LPAR3: variants seen among roughly 807,000 people sequenced by gnomAD.
The protein encoded by LPAR3 is LPA receptor 3.
A neutral mutation model predicts 17.8 loss-of-function variants in LPAR3; 7 were observed. That is an observed-to-expected ratio of 0.39 (90% confidence interval 0.22 to 0.74). The LOEUF (loss-of-function observed/expected upper bound fraction) is 0.74. Among genes scored for constraint, LPAR3 ranks in the 30% least tolerant of loss-of-function variants. The probability of loss-of-function intolerance (pLI) is 0.40; values close to 1 mark genes in which losing one functional copy is unlikely to be tolerated. For synonymous variants in LPAR3, 179 were observed against 179.9 expected (o/e 0.99, Z 0.04); for missense variants, 391 against 453.4 (o/e 0.86, Z 1.25).
At chr1:84,829,326 A>G (rs1211115225) in intron 2 of LPAR3, among the ~76,000 whole-genome samples, 2 of 151,848 alleles carry the variant, frequency 1.3e-5, no homozygotes, top group Non-Finnish European at 2.9e-5. Context: ...CCCTCTAGAG[A>G]TTCTGATTCC....
chr1:84,870,669 C>A (rs1034382587), intron 1 of LPAR3, among the ~76,000 whole-genome samples: 4 of 152,114 alleles, frequency 2.6e-5, no homozygotes, highest in Non-Finnish European at 5.9e-5. Flanking sequence ...TCATGGTATC[C>A]TCCCAACAAT....
intron 2 of LPAR3, among the ~76,000 whole-genome samples, chr1:84,835,990 C>T (rs1412530399): frequency 6.7e-6 from 1 of 149,662 alleles, no homozygotes; most frequent in Non-Finnish European, 1.5e-5. Context: ...AATATGAATG[C>T]CCCCCCAACC....
chr1:84,884,200 G>A (rs775557908), intron 1 of LPAR3, among the ~76,000 whole-genome samples: 7 of 152,214 alleles, frequency 4.6e-5, no homozygotes, highest in Non-Finnish European at 1.0e-4. Context: ...TAGACTGTGA[G>A]GTTCGGCTCC....
intron 2 of LPAR3, among the ~76,000 whole-genome samples, chr1:84,815,803 C>T (rs947636905): frequency 6.6e-6 from 1 of 152,180 alleles, no homozygotes; most frequent in East Asian, 1.9e-4. Flanking sequence ...TCATGAGGTG[C>T]TCTGTTTCCA....
chr1:84,826,046 T>C (rs1390959343), intron 2 of LPAR3, among the ~76,000 whole-genome samples: 1 of 152,046 alleles, frequency 6.6e-6, no homozygotes, highest in Non-Finnish European at 1.5e-5. Context: ...AATATAATGA[T>C]AACGGTGCTT....
At chr1:84,868,445 T>C (rs1660096313) in intron 1 of LPAR3, among the ~76,000 whole-genome samples, 1 of 152,130 alleles carries the variant, frequency 6.6e-6, no homozygotes, top group Admixed American at 6.6e-5. Flanking sequence ...CAGCAGCATA[T>C]GAGAGTTAAA....
chr1:84,844,815 C>T (rs1040269106), intron 2 of LPAR3, among the ~76,000 whole-genome samples: 6 of 152,156 alleles, frequency 3.9e-5, no homozygotes, highest in Non-Finnish European at 8.8e-5. Context: ...ACCCCGACCC[C>T]GCCACAGTCT....
rs529174015 is a variant in LPAR3 at position 84,825,814 on chromosome 1, C to T, written c.737-11643G>A. On this transcript the variant is annotated intron_variant, in intron 2 of 2. Transcript: ENST00000370611. ...TCCTGCCTTGGTCATCAGTACGGTGCGCAAACCCTGAGGATCTCAATCCCC... is the reference window on the plus strand; with the variant it reads ...TCCTGCCTTGGTCATCAGTACGGTGTGCAAACCCTGAGGATCTCAATCCCC... Among the ~76,000 whole-genome samples the T allele has an allele frequency of 4.5e-4, 68 of 152,270 alleles. 1 individual carries two copies. The highest frequency in any genetic ancestry group is 2.4e-4 in the Non-Finnish European group (16 of 68,022).
chr1:84,865,233 A>T (rs1660015113), intron 2 of LPAR3, 152 bp downstream of exon 2: 2 of 716,234 alleles, frequency 2.8e-6, no homozygotes, highest in Non-Finnish European at 4.5e-6. Context: ...TTTCCTTATT[A>T]GAGTGTAAGC....
At chr1:84,864,069 G>C (rs945527103) in intron 2 of LPAR3, among the ~76,000 whole-genome samples, 1 of 151,898 alleles carries the variant, frequency 6.6e-6, no homozygotes, top group African/African-American at 2.4e-5. Flanking sequence ...AAAATTAGCC[G>C]GGCCTGGTGG....
chr1:84,869,193 C>T (rs940897127), intron 1 of LPAR3, among the ~76,000 whole-genome samples: 1 of 152,164 alleles, frequency 6.6e-6, no homozygotes, highest in Middle Eastern at 3.2e-3. Flanking sequence ...ATATCAAGCA[C>T]TAACACCTCA....
intron 2 of LPAR3, among the ~76,000 whole-genome samples, chr1:84,828,842 C>T (rs538604570): frequency 6.6e-6 from 1 of 152,294 alleles, no homozygotes; most frequent in East Asian, 1.9e-4. Flanking sequence ...AAGAACACTC[C>T]ATTGATTCCA....
chr1:84,864,211 CAA>C (rs111255790), intron 2 of LPAR3, among the ~76,000 whole-genome samples: 7 of 120,784 alleles, frequency 5.8e-5, no homozygotes, highest in Admixed American at 1.7e-4. Context: ...GGTCCTGTCT[CAA>C]AAAAAAAAAA....
intron 1 of LPAR3, among the ~76,000 whole-genome samples, chr1:84,891,618 A>T (rs1353927156): frequency 6.6e-6 from 1 of 152,258 alleles, no homozygotes; most frequent in African/African-American, 2.4e-5. Flanking sequence ...AAGCAGGGTT[A>T]GCAACTGTTG....
At chr1:84,883,725 T>G (rs889647490) in intron 1 of LPAR3, among the ~76,000 whole-genome samples, 4 of 152,106 alleles carry the variant, frequency 2.6e-5, no homozygotes, top group Admixed American at 2.0e-4. Flanking sequence ...TTTTTTGTTT[T>G]TTTTTTTTTT....
At chr1:84,860,501 C>T (rs1659919311) in intron 2 of LPAR3, among the ~76,000 whole-genome samples, 1 of 152,068 alleles carries the variant, frequency 6.6e-6, no homozygotes, top group South Asian at 2.1e-4. Context: ...TGTCTTCCTC[C>T]AGCCCATGCA....
intron 2 of LPAR3, among the ~76,000 whole-genome samples, chr1:84,852,137 G>T (rs1045969254): frequency 1.3e-5 from 2 of 149,312 alleles, no homozygotes; most frequent in Non-Finnish European, 3.0e-5. Flanking sequence ...TGCAACTTCT[G>T]CCTCCTGGGC....
At position 84,833,242 on chromosome 1, in the gene LPAR3, CATT is replaced by C. The variant is rs149373550; in HGVS notation, c.737-19074_737-19072del. ...CTTTCCTGCTGCCCCCTAGGAAAAA[CATT>C]AAAACTTCCTGTTTCAAAATATTCC... On this transcript the variant is annotated intron_variant, in intron 2 of 2. Transcript: ENST00000370611. Among the ~76,000 whole-genome samples the C allele has an allele frequency of 7.9e-3, 1,199 of 152,290 alleles. 13 individuals carry two copies. Among genetic ancestry groups the C allele is most frequent in the Non-Finnish European group, 8.9e-3 (607 of 68,022 alleles).
chr1:84,816,150 G>GT (rs1367193993), intron 2 of LPAR3, among the ~76,000 whole-genome samples: 1 of 152,160 alleles, frequency 6.6e-6, no homozygotes, highest in Non-Finnish European at 1.5e-5. Flanking sequence ...ATTCAGACTG[G>GT]TTTTTTGTTT....
Sources: allele counts gnomAD v4.1 joint callset (sites outside exome capture counted in the v4.1 genomes callset), GRCh38; gene constraint gnomAD v4.1.1; transcripts MANE v1.5; gene names NCBI Gene and HGNC (gene_info 2026-07-23, HGNC 2026-07-21).